Variants in RBFOX1 observed in about 807,000 individuals in gnomAD.
RBFOX1 encodes RNA binding fox-1 homolog 1, also known as RNA binding protein fox-1 homolog 1.
A neutral mutation model predicts 57.7 loss-of-function variants in RBFOX1; 8 were observed. That is an observed-to-expected ratio of 0.14 (90% CI 0.08 to 0.25). RBFOX1 has a LOEUF of 0.25. Among genes scored for constraint, RBFOX1 ranks in the 10% least tolerant of loss-of-function variants. The probability of loss-of-function intolerance (pLI) is 1.00; values close to 1 mark genes in which losing one functional copy is unlikely to be tolerated. For synonymous variants in RBFOX1, 326 were observed against 222.4 expected (o/e 1.47, Z -4.15); for missense variants, 611 against 548.5 (o/e 1.11, Z -1.14).
intron 3 of RBFOX1, among the ~76,000 whole-genome samples, chr16:5,688,298 C>A (rs929467): frequency 0.56 from 84,797 of 152,052 alleles, 26,866 homozygotes; most frequent in Non-Finnish European, 0.72. Context: ...CAGAAATGAT[C>A]CTTAAGAAAA....
At chr16:6,746,401 G>C (rs926743269) in intron 3 of RBFOX1, among the ~76,000 whole-genome samples, 1 of 152,146 alleles carries the variant, frequency 6.6e-6, no homozygotes, top group African/African-American at 2.4e-5. Context: ...GGTGCGCTGG[G>C]CATGGTGGCT....
At chr16:5,774,032 C>G (rs1249891485) in intron 3 of RBFOX1, among the ~76,000 whole-genome samples, 1 of 152,120 alleles carries the variant, frequency 6.6e-6, no homozygotes, top group African/African-American at 2.4e-5. Flanking sequence ...CATTTGCCCT[C>G]CACATAGGTC....
chr16:7,106,285 C>G (rs908470474), intron 4 of RBFOX1, among the ~76,000 whole-genome samples: 6 of 152,156 alleles, frequency 3.9e-5, no homozygotes, highest in African/African-American at 1.2e-4. Flanking sequence ...GTTTCCATCT[C>G]TAGAAATTAC....
intron 3 of RBFOX1, among the ~76,000 whole-genome samples, chr16:6,789,866 T>G (rs918152901): frequency 1.3e-5 from 2 of 151,878 alleles, no homozygotes; most frequent in East Asian, 3.9e-4. Flanking sequence ...TTAGCTACTT[T>G]TTTTCTTATT....
At chr16:7,580,614 T>C (rs1390565494) in intron 6 of RBFOX1, among the ~76,000 whole-genome samples, 5 of 152,172 alleles carry the variant, frequency 3.3e-5, no homozygotes, top group Admixed American at 2.6e-4. Context: ...AGGCCACAAG[T>C]CACCACTGAC....
intron 14 of RBFOX1, among the ~76,000 whole-genome samples, chr16:7,687,776 C>G (rs559287339): frequency 6.6e-6 from 1 of 151,984 alleles, no homozygotes; most frequent in East Asian, 1.9e-4. Flanking sequence ...TGTTAAAAAT[C>G]AACACTAGTG....
chr16:6,943,877 T>C (rs2079000503), intron 3 of RBFOX1, among the ~76,000 whole-genome samples: 1 of 152,140 alleles, frequency 6.6e-6, no homozygotes, highest in African/African-American at 2.4e-5. Context: ...TCACTGCTGA[T>C]TTCTATACAT....
chr16:5,472,771 A>G (rs766421916), intron 2 of RBFOX1, among the ~76,000 whole-genome samples: 29 of 152,186 alleles, frequency 1.9e-4, no homozygotes, highest in Admixed American at 4.6e-4. Flanking sequence ...GTGTCAGCTC[A>G]TAATTACCAG....
intron 1 of RBFOX1, among the ~76,000 whole-genome samples, chr16:6,213,764 C>T (rs766541910): frequency 1.3e-4 from 20 of 152,172 alleles, no homozygotes; most frequent in Non-Finnish European, 2.4e-4. Flanking sequence ...GTCTACTGAG[C>T]GAAAGCGCAT....
At chr16:7,345,683 C>A (rs1045353790) in intron 4 of RBFOX1, among the ~76,000 whole-genome samples, 8 of 152,116 alleles carry the variant, frequency 5.3e-5, no homozygotes, top group African/African-American at 1.9e-4. Flanking sequence ...GTGATGGAGC[C>A]GTCTGGGGAT....
chr16:6,085,652 G>C (rs1261800621), intron 1 of RBFOX1, among the ~76,000 whole-genome samples: 1 of 149,248 alleles, frequency 6.7e-6, no homozygotes, highest in Admixed American at 6.6e-5. Context: ...GTGTGTGTTT[G>C]TGTGTGTGTG....
At chr16:6,702,184 G>C (rs745424817) in intron 3 of RBFOX1, among the ~76,000 whole-genome samples, 1 of 152,178 alleles carries the variant, frequency 6.6e-6, no homozygotes, top group Non-Finnish European at 1.5e-5. Flanking sequence ...GCTCTACCAT[G>C]ATCCAGACAC....
chr16:6,572,038 T>C (rs1019695620), intron 2 of RBFOX1, among the ~76,000 whole-genome samples: 1 of 152,190 alleles, frequency 6.6e-6, no homozygotes, highest in Non-Finnish European at 1.5e-5. Flanking sequence ...TACAGTTTTG[T>C]CCTAATATAC....
At chr16:6,008,220 A>C (rs531624449) in intron 4 of RBFOX1, among the ~76,000 whole-genome samples, 357 of 83,440 alleles carry the variant, frequency 4.3e-3, no homozygotes, top group South Asian at 0.012. Context: ...CCCACCCCCC[A>C]AAAAAAGGTA....
At chr16:6,382,494 T>G (rs1935390) in intron 2 of RBFOX1, among the ~76,000 whole-genome samples, 35,256 of 152,152 alleles carry the variant, frequency 0.23, 7,037 homozygotes, top group African/African-American at 0.54. Flanking sequence ...GGAGCCAGTT[T>G]GTGCAGCTCT....
chr16:7,706,884 G>A (rs1434326225), intron 14 of RBFOX1, among the ~76,000 whole-genome samples: 2 of 152,142 alleles, frequency 1.3e-5, no homozygotes, highest in African/African-American at 4.8e-5. Flanking sequence ...TCTCAGGAGT[G>A]AGCTCTCTGA....
At chr16:6,428,144 A>C (rs1004611070) in intron 2 of RBFOX1, among the ~76,000 whole-genome samples, 1 of 151,864 alleles carries the variant, frequency 6.6e-6, no homozygotes, top group Non-Finnish European at 1.5e-5. Flanking sequence ...CACTTAGCCA[A>C]GTGTGCTGGT....
At chr16:6,353,398 A>AT (rs896382382) in intron 2 of RBFOX1, among the ~76,000 whole-genome samples, 3 of 151,632 alleles carry the variant, frequency 2.0e-5, no homozygotes, top group African/African-American at 7.3e-5. Context: ...CTAGATACCT[A>AT]TTTTTTAACT....
At chr16:6,858,481 C>A (rs922531582) in intron 3 of RBFOX1, among the ~76,000 whole-genome samples, 1 of 152,042 alleles carries the variant, frequency 6.6e-6, no homozygotes, top group Non-Finnish European at 1.5e-5. Context: ...CTTTGGTTTC[C>A]GGGCAGAGGT....
Sources: allele counts gnomAD v4.1 joint callset (sites outside exome capture counted in the v4.1 genomes callset), GRCh38; gene constraint gnomAD v4.1.1; transcripts MANE v1.5; gene names NCBI Gene and HGNC (gene_info 2026-07-23, HGNC 2026-07-21).